The following FAM185A variants were observed in gnomAD, a reference collection of about 807,000 sequenced individuals.
FAM185A encodes family with sequence similarity 185 member A, also known as protein FAM185A.
In FAM185A, 21 loss-of-function variants were observed where a neutral mutation model predicts 45.7. The ratio of observed to expected loss-of-function variants is 0.46; its 90% CI spans 0.33 to 0.66. FAM185A has a LOEUF of 0.66. Ranked by LOEUF, FAM185A falls within the 30% of genes least tolerant of loss-of-function variation. The probability of loss-of-function intolerance (pLI) is 0.03; values close to 1 mark genes in which losing one functional copy is unlikely to be tolerated. For synonymous variants in FAM185A, 117 were observed against 194.0 expected, an observed-to-expected ratio of 0.60 and a Z score of 3.30; for missense variants, 305 against 485.4, an observed-to-expected ratio of 0.63 and a Z score of 3.49.
the FAM185A span, among the ~76,000 whole-genome samples, chr7:102,835,800 G>A: frequency 4.6e-5 from 7 of 151,086 alleles, no homozygotes; most frequent in Non-Finnish European, 7.4e-5. Context: ...TAGTAGAGAC[G>A]GGGTTTCACC....
intron 2 of FAM185A, among the ~76,000 whole-genome samples, chr7:102,752,612 G>T (rs1215302782): frequency 1.3e-5 from 2 of 150,158 alleles, no homozygotes; most frequent in Non-Finnish European, 3.0e-5. Flanking sequence ...TCTTTGTAGA[G>T]ACAGTGTCTC....
the FAM185A span, among the ~76,000 whole-genome samples, chr7:102,834,101 A>G: frequency 2.0e-3 from 210 of 104,972 alleles, 4 homozygotes; most frequent in African/African-American, 5.0e-3. Flanking sequence ...AAAGAAAGAA[A>G]GAAAGAAAGA....
chr7:102,749,726 C>T, intron 1 of FAM185A, 68 bp downstream of exon 1: 1 of 1,493,936 alleles, frequency 6.7e-7, no homozygotes, highest in Non-Finnish European at 8.9e-7. Context: ...TAAATGTGGT[C>T]GACGTGCACT....
the FAM185A span, chr7:102,827,237 G>A: frequency 4.6e-6 from 2 of 432,020 alleles, no homozygotes; most frequent in African/African-American, 2.0e-5. Context: ...TGAAGCAGGA[G>A]GAAGCTGTCC....
downstream of FAM185A, chr7:102,813,603 A>C: frequency 6.7e-7 from 1 of 1,490,182 alleles, no homozygotes; most frequent in Non-Finnish European, 9.2e-7. Context: ...AACTCAACCA[A>C]ATTTGGAGTT....
At chr7:102,794,989 A>T (rs1194759659) in intron 7 of FAM185A, among the ~76,000 whole-genome samples, 3 of 152,248 alleles carry the variant, frequency 2.0e-5, no homozygotes, top group Non-Finnish European at 4.4e-5. Flanking sequence ...TGGTTGCCAT[A>T]GGTTAGGGAA....
intron 7 of FAM185A, among the ~76,000 whole-genome samples, chr7:102,800,948 T>C (rs1796752944): frequency 6.6e-6 from 1 of 152,086 alleles, no homozygotes; most frequent in African/African-American, 2.4e-5. Flanking sequence ...TTATCCAAAG[T>C]TGAGACAAAA....
chr7:102,782,143 G>A (rs1421951054), intron 6 of FAM185A, among the ~76,000 whole-genome samples: 1 of 152,148 alleles, frequency 6.6e-6, no homozygotes, highest in Non-Finnish European at 1.5e-5. Flanking sequence ...AGAAATATGG[G>A]ACTATGTGAA....
At chr7:102,763,356 G>T (rs1794214094) in intron 4 of FAM185A, among the ~76,000 whole-genome samples, 1 of 151,948 alleles carries the variant, frequency 6.6e-6, no homozygotes, top group African/African-American at 2.4e-5. Context: ...TTTAAATCTA[G>T]GTCCTCTTTT....
At chr7:102,781,120 G>A (rs559978942) in intron 6 of FAM185A, among the ~76,000 whole-genome samples, 2 of 152,276 alleles carry the variant, frequency 1.3e-5, no homozygotes, top group African/African-American at 2.4e-5. Context: ...GGGGAGGGGC[G>A]TCCACCATTG....
chr7:102,786,706 A>T (rs549150285), intron 6 of FAM185A, among the ~76,000 whole-genome samples: 1 of 152,308 alleles, frequency 6.6e-6, no homozygotes, highest in African/African-American at 2.4e-5. Context: ...GAGGGATAGC[A>T]TTAGGAGATA....
chr7:102,827,623 C>A, the FAM185A span, among the ~76,000 whole-genome samples: 1 of 151,514 alleles, frequency 6.6e-6, no homozygotes, highest in Non-Finnish European at 1.5e-5. Context: ...TGTGCTGCAC[C>A]CATTAACTCA....
intron 6 of FAM185A, among the ~76,000 whole-genome samples, chr7:102,783,980 A>C (rs1221069895): frequency 1.3e-5 from 2 of 152,266 alleles, no homozygotes; most frequent in Non-Finnish European, 2.9e-5. Context: ...AAATAGATGC[A>C]ATAAAAAATG....
the FAM185A span, among the ~76,000 whole-genome samples, chr7:102,849,964 C>A: frequency 1.3e-5 from 2 of 151,394 alleles, no homozygotes; most frequent in Admixed American, 6.6e-5. Flanking sequence ...ACCTATGAAA[C>A]AAACCTGCAT....
intron 6 of FAM185A, chr7:102,779,847 C>T (rs1156795776): frequency 1.5e-4 from 21 of 138,768 alleles, no homozygotes; most frequent in African/African-American, 5.6e-4. Flanking sequence ...CCACCACACC[C>T]AGCTTTTTTT....
At chr7:102,813,189 G>C, downstream of FAM185A, 1 of 738,678 alleles carries the variant, frequency 1.4e-6, no homozygotes, top group Non-Finnish European at 2.2e-6. Flanking sequence ...CTACTGATGT[G>C]TTTGGAAATA....
At chr7:102,797,551 G>C (rs1398722454) in intron 7 of FAM185A, among the ~76,000 whole-genome samples, 1 of 152,136 alleles carries the variant, frequency 6.6e-6, no homozygotes, top group East Asian at 1.9e-4. Context: ...TAAAGGTATT[G>C]TTTGTGAAAT....
chr7:102,788,093 T>C (rs1158035715), intron 7 of FAM185A, among the ~76,000 whole-genome samples: 4 of 152,224 alleles, frequency 2.6e-5, no homozygotes, highest in African/African-American at 4.8e-5. Flanking sequence ...CCCTCCTGAG[T>C]AGCTGGGACT....
intron 7 of FAM185A, among the ~76,000 whole-genome samples, chr7:102,800,762 T>C (rs1301246842): frequency 2.0e-5 from 3 of 152,090 alleles, no homozygotes; most frequent in Admixed American, 6.5e-5. Flanking sequence ...CTAAGAATAA[T>C]TGGTGTTCCT....
Sources: allele counts gnomAD v4.1 joint callset (sites outside exome capture counted in the v4.1 genomes callset), GRCh38; gene constraint gnomAD v4.1.1; transcripts MANE v1.5; gene names NCBI Gene and HGNC (gene_info 2026-07-23, HGNC 2026-07-21).